The following FASTKD1 variants were observed in gnomAD, a reference collection of about 807,000 sequenced individuals.
FASTKD1 encodes FAST kinase domain-containing protein 1, mitochondrial.
In FASTKD1, 94 loss-of-function variants were observed where a neutral mutation model predicts 90.9. The observed-to-expected ratio is 1.03, with a 90% CI of 0.88 to 1.23. The LOEUF is 1.23. Ranked by LOEUF, FASTKD1 falls within the 50% of genes most tolerant of loss-of-function variation. FASTKD1 has a pLI of 0.00. For missense variants in FASTKD1, 945 were observed against 993.5 expected (o/e 0.95, Z 0.66); for synonymous variants, 319 against 345.8 (o/e 0.92, Z 0.86).
At chr2:169,530,738 G>T in intron 13 of FASTKD1, 37 bp from the exon 14 acceptor site, 1 of 1,110,676 alleles carries the variant, frequency 9.0e-7, no homozygotes, top group Non-Finnish European at 1.3e-6. Flanking sequence ...CCTAAAATCA[G>T]AATAAGAAAC....
rs1251033046 is a variant in FASTKD1, at chr2:169,557,219, A to G, written c.1050T>C (p.Asp350=). ...QALAVLGAMG[D]MESRNSCLIK... ...TCAGACATGAGTTTCTGCTTTCCAT[A>G]TCTCCCATTGCTCCCAACACTGCCA... Residue 350 remains aspartate, a synonymous_variant, in exon 6 of 15, where the codon GAT becomes GAC. Coordinates refer to ENST00000453153, the MANE Select transcript of FASTKD1 (RefSeq NM_024622.6). The G allele has an allele frequency of 6.2e-7, 1 of 1,611,962 alleles. No individual in the cohort carries two copies. The highest frequency in any genetic ancestry group is 1.7e-4 in the Middle Eastern group (1 of 6,058).
chr2:169,544,292 G>A (rs1022087800), intron 9 of FASTKD1, among the ~76,000 whole-genome samples: 8 of 152,182 alleles, frequency 5.3e-5, no homozygotes, highest in Admixed American at 6.5e-5. Context: ...TTATAGGGCC[G>A]GGCGCAGTGG....
chr2:169,530,518 A>T, intron 14 of FASTKD1, 69 bp downstream of exon 14: 1 of 830,450 alleles, frequency 1.2e-6, no homozygotes, highest in Non-Finnish European at 1.9e-6. Context: ...CTTTCACATT[A>T]AAAGGAAGCA....
At chr2:169,533,379 G>A (rs940059637) in intron 12 of FASTKD1, among the ~76,000 whole-genome samples, 1 of 152,164 alleles carries the variant, frequency 6.6e-6, no homozygotes, top group Admixed American at 6.5e-5. Context: ...TATGAAAGAT[G>A]AAATATATAG....
chr2:169,563,657 AT>A (rs922438663), intron 3 of FASTKD1, among the ~76,000 whole-genome samples: 2 of 152,144 alleles, frequency 1.3e-5, no homozygotes, highest in African/African-American at 4.8e-5. Flanking sequence ...AGTGCTATGA[AT>A]TTTTTTAATA....
At chr2:169,531,088 T>G in intron 13 of FASTKD1, 1 of 705,360 alleles carries the variant, frequency 1.4e-6, no homozygotes, top group Non-Finnish European at 2.6e-6. Context: ...TAGAGAGGTA[T>G]GGGAGCGCAA....
intron 9 of FASTKD1, among the ~76,000 whole-genome samples, chr2:169,540,491 C>T (rs1272434473): frequency 1.3e-5 from 2 of 152,044 alleles, no homozygotes; most frequent in Non-Finnish European, 2.9e-5. Flanking sequence ...TGTTATTACA[C>T]TTTAGTAAGA....
chr2:169,562,020 A>G (rs1357314565), intron 4 of FASTKD1, among the ~76,000 whole-genome samples: 1 of 114,772 alleles, frequency 8.7e-6, no homozygotes, highest in African/African-American at 3.0e-5. Context: ...TTTATTGTAA[A>G]TTAATTATTT....
chr2:169,529,627 C>A lies in FASTKD1; in HGVS notation c.*198G>T. The A allele has an allele frequency of 4.1e-6, 2 of 490,580 alleles. No individual in the cohort carries two copies. The highest frequency in any genetic ancestry group is 7.3e-6 in the Non-Finnish European group (2 of 273,784). The allele number at this position is 490,580 out of a possible 1,614,324, so 30.4% of individuals were successfully genotyped here. A position where few individuals can be genotyped will look rare whatever the true frequency, so the allele number is the denominator to read the frequency against. ...AAGAGGTTGTATTTGACTCTGTTAT[C>A]TCTTATCTTTTCTCTTATACACTCC... On this transcript the variant is annotated 3_prime_UTR_variant, in exon 15 of 15. Coordinates refer to ENST00000453153, the MANE Select transcript of FASTKD1 (RefSeq NM_024622.6).
chr2:169,538,171 G>C lies in FASTKD1; in HGVS notation c.1946-30C>G, dbSNP rs773184702. On this transcript the variant is annotated intron_variant, in intron 10 of 14. Transcript: ENST00000453153. ...AATTAATAAAATACTAATGAATTTT[G>C]ATAGCTGAGACCTAGGAAAGACAAC... 3 of 1,570,978 alleles carry C rather than the reference G, an allele frequency of 1.9e-6. No homozygotes were observed. In the Admixed American group the frequency reaches 5.9e-5, roughly 31 times the overall value.
At chr2:169,530,167 A>C (rs1022760685) in intron 14 of FASTKD1, among the ~76,000 whole-genome samples, 3 of 152,122 alleles carry the variant, frequency 2.0e-5, no homozygotes, top group African/African-American at 7.2e-5. Context: ...TTTTTCCTAC[A>C]TAGTCTTCTA....
chr2:169,531,706 A>T (rs968178911), intron 12 of FASTKD1: 1 of 478,332 alleles, frequency 2.1e-6, no homozygotes, highest in African/African-American at 2.0e-5. Flanking sequence ...AACCAGAAGA[A>T]TTACAAAACA....
chr2:169,569,823 C>T (rs1684151799), intron 2 of FASTKD1, among the ~76,000 whole-genome samples: 1 of 152,064 alleles, frequency 6.6e-6, no homozygotes, highest in South Asian at 2.1e-4. Flanking sequence ...TGCACTCCAG[C>T]CTCGGTGACA....
intron 5 of FASTKD1, 82 bp downstream of exon 5, chr2:169,560,305 T>G: frequency 3.5e-6 from 4 of 1,130,056 alleles, no homozygotes; most frequent in Non-Finnish European, 5.0e-6. Context: ...TATTTGTACC[T>G]TCCAGAGCTG....
At chr2:169,529,986 G>A (rs1684410689) in intron 14 of FASTKD1, 60 bp from the exon 15 acceptor site, 4 of 1,198,926 alleles carry the variant, frequency 3.3e-6, no homozygotes, top group South Asian at 2.6e-5. Context: ...AAACATTGAG[G>A]AAGACATATA....
At chr2:169,569,856 T>C (rs1684153321) in intron 2 of FASTKD1, among the ~76,000 whole-genome samples, 1 of 151,874 alleles carries the variant, frequency 6.6e-6, no homozygotes, top group Non-Finnish European at 1.5e-5. Flanking sequence ...ACCTCATAAA[T>C]AAATAAATAA....
chr2:169,533,796 A>C (rs188676294), intron 12 of FASTKD1, among the ~76,000 whole-genome samples: 37 of 152,326 alleles, frequency 2.4e-4, no homozygotes, highest in Middle Eastern at 3.4e-3. Context: ...CACAACATAT[A>C]AAGTTATAAA....
In FASTKD1 at chr2:169,541,217, T is replaced by A. The variant is rs1678757981; in HGVS notation, c.1817-1038A>T. Among the ~76,000 whole-genome samples, 4 of 152,228 alleles carry A rather than the reference T, an allele frequency of 2.6e-5. No homozygotes were observed. In the South Asian group the frequency reaches 8.3e-4, roughly 31 times the overall value. On this transcript the variant is annotated intron_variant, in intron 9 of 14. Transcript: ENST00000453153. ...TTATTTAAAATTTTACTTATAAAGT[T>A]CCCTAGGAATTTTTAAAACTTTCTC... is the stretch of plus-strand genomic sequence containing the variant.
At chr2:169,542,091 T>G (rs1268805194) in intron 9 of FASTKD1, among the ~76,000 whole-genome samples, 1 of 152,192 alleles carries the variant, frequency 6.6e-6, no homozygotes, top group Non-Finnish European at 1.5e-5. Context: ...CTTACCATGA[T>G]GCTCCAGCCT....
Sources: gnomAD v4.1 joint callset for allele counts (sites outside exome capture counted in the v4.1 genomes callset) on GRCh38, gnomAD v4.1.1 for gene constraint, MANE v1.5 for transcripts, NCBI Gene and HGNC (gene_info 2026-07-23, HGNC 2026-07-21) for gene names.